WDR70: variants seen among roughly 807,000 people sequenced by gnomAD.
The protein encoded by WDR70 is WD repeat-containing protein 70.
In WDR70, 53 loss-of-function variants were observed where a neutral mutation model predicts 88.6. That is an observed-to-expected ratio of 0.60 (90% confidence interval 0.48 to 0.75). The LOEUF (loss-of-function observed/expected upper bound fraction) is 0.75. Among genes scored for constraint, WDR70 ranks in the 30% least tolerant of loss-of-function variants. The pLI, the probability that WDR70 is intolerant of heterozygous loss-of-function variation, is 0.00. For missense variants in WDR70, 610 were observed against 823.2 expected (o/e 0.74, Z 3.17); for synonymous variants, 280 against 270.0 (o/e 1.04, Z -0.36).
chr5:37,448,952 A>C (rs2112072412), intron 7 of WDR70, among the ~76,000 whole-genome samples: 1 of 152,344 alleles, frequency 6.6e-6, no homozygotes, highest in Non-Finnish European at 1.5e-5. Flanking sequence ...CTTGGGAAGA[A>C]TATCACAGAG....
intron 9 of WDR70, among the ~76,000 whole-genome samples, chr5:37,541,075 GTC>G: frequency 6.6e-6 from 1 of 152,142 alleles, no homozygotes; most frequent in Non-Finnish European, 1.5e-5. Context: ...TTAAAAAAGA[GTC>G]TTAACTACCA....
At position 37,680,750 on chromosome 5, in the gene WDR70, T is replaced by G. The variant is rs909272402; in HGVS notation, c.1093-16905T>G. Among the ~76,000 whole-genome samples, 14 of 152,184 alleles carry G rather than the reference T, an allele frequency of 9.2e-5. No homozygotes were observed. In the East Asian group the frequency reaches 2.7e-3, roughly 29 times the overall value. On this transcript the variant is annotated intron_variant, in intron 10 of 17. Transcript: ENST00000265107. ...TTCTAGGTTCTCTATTCTGTTCCAT[T>G]GGTCTACGTGTCTGTTCTTGTACCA...
intron 5 of WDR70, among the ~76,000 whole-genome samples, chr5:37,421,668 T>C (rs187023793): frequency 3.3e-5 from 5 of 152,248 alleles, no homozygotes; most frequent in African/African-American, 4.8e-5. Context: ...TTATTCTACT[T>C]CTAAAAAGAT....
chr5:37,749,916 G>A (rs1748755787), intron 17 of WDR70, among the ~76,000 whole-genome samples: 1 of 150,300 alleles, frequency 6.7e-6, no homozygotes, highest in African/African-American at 2.4e-5. Context: ...GAAATTCAGT[G>A]CTAAGTTTAA....
chr5:37,516,647 C>T (rs566854108), intron 9 of WDR70, 57 bp downstream of exon 9: 14 of 1,220,658 alleles, frequency 1.1e-5, no homozygotes, highest in Admixed American at 5.4e-5. Flanking sequence ...TTTTATTTAA[C>T]GTTTGGATTG....
At chr5:37,685,966 C>G (rs1054049661) in intron 10 of WDR70, among the ~76,000 whole-genome samples, 1 of 152,176 alleles carries the variant, frequency 6.6e-6, no homozygotes, top group African/African-American at 2.4e-5. Context: ...CTCTGAAGAT[C>G]TGCTAGGAGC....
intron 9 of WDR70, among the ~76,000 whole-genome samples, chr5:37,550,781 T>C (rs902956721): frequency 2.0e-5 from 3 of 152,072 alleles, no homozygotes; most frequent in Non-Finnish European, 4.4e-5. Context: ...CATTTTGTTA[T>C]TTGTTTTCTG....
chr5:37,669,741 T>C (rs1359863845), intron 10 of WDR70, among the ~76,000 whole-genome samples: 6 of 151,818 alleles, frequency 4.0e-5, no homozygotes, highest in Non-Finnish European at 5.9e-5. Context: ...CATGCGTTTG[T>C]GAAGGAGAGA....
Position 37,408,814 on chromosome 5 carries a change from TTTA to T in WDR70, c.492+12247_492+12249del, listed in dbSNP as rs1251642289. Among the ~76,000 whole-genome samples the T allele has an allele frequency of 4.6e-5, 7 of 152,214 alleles. No homozygotes were observed. In the East Asian group the frequency reaches 1.3e-3, roughly 29 times the overall value. On this transcript the variant is annotated intron_variant, in intron 5 of 17. Coordinates refer to ENST00000265107, the MANE Select transcript of WDR70 (RefSeq NM_018034.4). ...TATATAGCATGTGTGCTTATTTGAT[TTTA>T]TTTCATACTTGTGAACATTAGCTAC... is the stretch of plus-strand genomic sequence containing the variant.
chr5:37,470,575 A>T (rs1469732658), intron 7 of WDR70, among the ~76,000 whole-genome samples: 1 of 152,240 alleles, frequency 6.6e-6, no homozygotes, highest in East Asian at 1.9e-4. Flanking sequence ...AAATGGGTAA[A>T]TACAGCATAT....
chr5:37,390,841 C>T (rs764622717), intron 3 of WDR70, among the ~76,000 whole-genome samples: 8 of 151,574 alleles, frequency 5.3e-5, no homozygotes, highest in Non-Finnish European at 8.8e-5. Flanking sequence ...CTCAGCCTCC[C>T]GAGTAGCTGG....
chr5:37,519,373 C>T (rs1307119896), intron 9 of WDR70, among the ~76,000 whole-genome samples: 1 of 146,932 alleles, frequency 6.8e-6, no homozygotes, highest in Middle Eastern at 3.8e-3. Flanking sequence ...ACGCTCCTCA[C>T]TTCCCAGATG....
intron 7 of WDR70, among the ~76,000 whole-genome samples, chr5:37,466,574 C>T (rs367576787): frequency 2.8e-4 from 42 of 151,640 alleles, no homozygotes; most frequent in South Asian, 1.9e-3. Context: ...GGCATGGTGG[C>T]GGGCGCCTGT....
At position 37,579,954 on chromosome 5, in the gene WDR70, A is replaced by G. The variant is rs182547423; in HGVS notation, c.918-25110A>G. On this transcript the variant is annotated intron_variant, in intron 9 of 17. Coordinates refer to ENST00000265107, the MANE Select transcript of WDR70 (RefSeq NM_018034.4). ...ATATACTTAAAAATTATTGGGTTCT[A>G]TTCTATCTTATTGATTCATTAGAGG... is the stretch of plus-strand genomic sequence containing the variant. Among the ~76,000 whole-genome samples the G allele has an allele frequency of 5.3e-5, 8 of 152,250 alleles. No individual in the cohort carries two copies. In the Middle Eastern group the frequency reaches 0.01, roughly 194 times the overall value.
intron 10 of WDR70, among the ~76,000 whole-genome samples, chr5:37,618,274 G>A (rs1398554558): frequency 6.6e-6 from 1 of 152,166 alleles, no homozygotes; most frequent in African/African-American, 2.4e-5. Flanking sequence ...AGATTCAATA[G>A]AAGGATGTAA....
chr5:37,518,931 A>T (rs1327542469), intron 9 of WDR70, among the ~76,000 whole-genome samples: 1 of 152,114 alleles, frequency 6.6e-6, no homozygotes, highest in Non-Finnish European at 1.5e-5. Context: ...TTAACAAAGC[A>T]TATCTTGCAC....
At chr5:37,578,770 G>A (rs1441643211) in intron 9 of WDR70, among the ~76,000 whole-genome samples, 1 of 152,172 alleles carries the variant, frequency 6.6e-6, no homozygotes, top group Admixed American at 6.5e-5. Context: ...AATATAATGT[G>A]ATATGACAAG....
At chr5:37,547,676 G>C (rs544192615) in intron 9 of WDR70, among the ~76,000 whole-genome samples, 2 of 151,868 alleles carry the variant, frequency 1.3e-5, no homozygotes, top group Admixed American at 1.3e-4. Flanking sequence ...TTAAATGTAC[G>C]ATTAAATGAT....
Position 37,742,484 on chromosome 5 carries a change from T to C in WDR70, c.1878-10002T>C, listed in dbSNP as rs530524320. On this transcript the variant is annotated intron_variant, in intron 17 of 17. Coordinates refer to ENST00000265107, the MANE Select transcript of WDR70 (RefSeq NM_018034.4). ...GGAGTTCTTTATATATTCTGGATAT[T>C]AATCCTTTGTCAGGTATATGATTTG... Among the ~76,000 whole-genome samples the C allele has an allele frequency of 3.9e-5, 6 of 152,270 alleles. No individual in the cohort carries two copies. In the South Asian group the frequency reaches 1.2e-3, roughly 32 times the overall value.
Sources: allele counts gnomAD v4.1 joint callset (sites outside exome capture counted in the v4.1 genomes callset), GRCh38; gene constraint gnomAD v4.1.1; transcripts MANE v1.5; gene names NCBI Gene and HGNC (gene_info 2026-07-23, HGNC 2026-07-21).